OTOP1: variants seen among roughly 807,000 people sequenced by gnomAD.
The protein encoded by OTOP1 is proton channel OTOP1.
In OTOP1, 59 loss-of-function variants were observed where a neutral mutation model predicts 52.9. The observed-to-expected ratio is 1.12, with a 90% CI of 0.91 to 1.39. The LOEUF is 1.39. Among genes scored for constraint, OTOP1 ranks in the 40% most tolerant of loss-of-function variants. The pLI is 0.00. For synonymous variants in OTOP1, 317 were observed against 337.7 expected, an observed-to-expected ratio of 0.94 and a Z score of 0.67; for missense variants, 761 against 800.9, an observed-to-expected ratio of 0.95 and a Z score of 0.60.
chr4:4,213,738 C>T (rs951188887), intron 1 of OTOP1, among the ~76,000 whole-genome samples: 6 of 152,098 alleles, frequency 3.9e-5, no homozygotes, highest in African/African-American at 1.2e-4. Flanking sequence ...GTCGCTTCCA[C>T]CTTTTGGATA....
Position 4,226,847 on chromosome 4 carries a change from C to T in OTOP1, c.18G>A (p.Gly6=). 7.5e-7 allele frequency: 1 copy of T among 1,338,814 alleles called. No individual in the cohort carries two copies. The highest frequency in any genetic ancestry group is 9.5e-7 in the Non-Finnish European group (1 of 1,050,156). 82.9% of individuals were successfully genotyped at this position (1,338,814 alleles called of 1,614,324 possible). The change falls in exon 1 of 6, where the codon GGG becomes GGA. Residue 6 remains glycine (G), a synonymous_variant. Transcript: ENST00000296358. MLEGL[G]SPASPRAAAS... is the part of the protein sequence containing the mutation. ...CAGCTGCCCGGGGCGAGGCGGGCGA[C>T]CCCAGGCCCTCGAGCATCTTCGAGA...
intron 5 of OTOP1, among the ~76,000 whole-genome samples, chr4:4,189,182 A>C (rs113623237): frequency 6.6e-6 from 1 of 152,080 alleles, no homozygotes; most frequent in African/African-American, 2.4e-5. Context: ...CACTTCCTCA[A>C]CCACCCTTCC....
intron 1 of OTOP1, among the ~76,000 whole-genome samples, chr4:4,220,845 GA>G (rs1717284726): frequency 6.6e-6 from 1 of 151,998 alleles, no homozygotes; most frequent in Admixed American, 6.6e-5. Context: ...CTAGAATCTT[GA>G]ACCCCCCTCT....
At chr4:4,202,660 A>G (rs1716815778) in intron 3 of OTOP1, 82 bp from the exon 4 acceptor site, 34 of 1,529,756 alleles carry the variant, frequency 2.2e-5, no homozygotes, top group Non-Finnish European at 3.0e-5. Flanking sequence ...TGTGCACACA[A>G]ATACATGGCT....
intron 1 of OTOP1, among the ~76,000 whole-genome samples, chr4:4,225,994 C>G (rs2108808634): frequency 6.6e-6 from 1 of 152,264 alleles, no homozygotes; most frequent in South Asian, 2.1e-4. Flanking sequence ...AGGAGAGAAC[C>G]GAAGGTGCCG....
At chr4:4,201,309 C>T in intron 4 of OTOP1, among the ~76,000 whole-genome samples, 1 of 151,978 alleles carries the variant, frequency 6.6e-6, no homozygotes, top group Non-Finnish European at 1.5e-5. Flanking sequence ...CACCTGTAGT[C>T]CCAGCTACTC....
In OTOP1 at chr4:4,226,668, C is replaced by G. The variant is rs1289052969; in HGVS notation, c.197G>C (p.Gly66Ala). ...CAGCCCCGCCACGAACACGATCAGC[C>G]CATACTGGCTGCTCAGCATCTCGGC... ...KLAEMLSSQY[G>A]LIVFVAGLLL... The change falls in exon 1 of 6, where the codon GGG becomes GCG. Residue 66 changes from glycine (G) to alanine (A), a missense_variant. By Grantham distance (60) the Gly-to-Ala change is moderately conservative. Transcript: ENST00000296358. The G allele has an allele frequency of 6.4e-7, 1 of 1,559,664 alleles. No individual in the cohort carries two copies. Among genetic ancestry groups the G allele is most frequent in the East Asian group, 2.5e-5 (1 of 39,740 alleles).
chr4:4,206,419 G>A (rs971979929), intron 2 of OTOP1, among the ~76,000 whole-genome samples: 9 of 152,186 alleles, frequency 5.9e-5, no homozygotes, highest in Non-Finnish European at 1.2e-4. Context: ...GTCTGCTGTG[G>A]GACAGGGTAT....
Position 4,197,361 on chromosome 4 carries a change from C to T in OTOP1, c.1473G>A (p.Gln491=), listed in dbSNP as rs762335204. The change falls in exon 5 of 6, where the codon CAG becomes CAA. Residue 491 remains glutamine (Q), a synonymous_variant. Transcript: ENST00000296358. ...TGGCTGCTGGTGGCATGTCCTTGCC[C>T]TGGGGAGCCACATCTCTGGCCACAC... ...SGGVARDVAP[Q]GKDMPPAANG... is the part of the protein sequence containing the mutation. 7.4e-6 allele frequency: 12 copies of T among 1,613,942 alleles called. No homozygotes were observed. Among genetic ancestry groups the T allele is most frequent in the Non-Finnish European group, 8.5e-7 (1 of 1,180,012 alleles).
chr4:4,194,354 T>C (rs1184148854), intron 5 of OTOP1, among the ~76,000 whole-genome samples: 1 of 152,232 alleles, frequency 6.6e-6, no homozygotes, highest in African/African-American at 2.4e-5. Flanking sequence ...TTTCAATTCT[T>C]GGTTCACTGC....
At position 4,205,416 on chromosome 4, in the gene OTOP1, G is replaced by C. The variant is rs577287936; in HGVS notation, c.599+656C>G. Among the ~76,000 whole-genome samples the C allele has an allele frequency of 2.0e-5, 3 of 152,284 alleles. No individual in the cohort carries two copies. The South Asian group carries it at 6.2e-4, about 32-fold the overall frequency. On this transcript the variant is annotated intron_variant, in intron 3 of 5. Transcript: ENST00000296358. ...GCGATTCACAAAAACAAAAGATCTT[G>C]CTACCTCCCCTTCCTTTCCTGCATA...
intron 1 of OTOP1, among the ~76,000 whole-genome samples, chr4:4,214,489 G>C (rs922595208): frequency 2.0e-5 from 3 of 151,994 alleles, no homozygotes; most frequent in African/African-American, 7.2e-5. Flanking sequence ...GACCCTAGGG[G>C]ATATCTGTAT....
chr4:4,197,646 G>A lies in OTOP1; in HGVS notation c.1188C>T (p.Gly396=), dbSNP rs1301158974. 2 of 1,613,810 alleles carry A rather than the reference G, an allele frequency of 1.2e-6. No individual in the cohort carries two copies. Among genetic ancestry groups the A allele is most frequent in the Non-Finnish European group, 1.7e-6 (2 of 1,180,000 alleles). Residue 396 remains glycine (G), a synonymous_variant, in exon 5 of 6, where the codon GGC becomes GGT. Transcript: ENST00000296358. ...ARKLDSDLLV[G]TASGSWLISW... ...AGATAAGCCAGGAGCCCGAGGCAGT[G>A]CCCACCAAGAGGTCCGAGTCCAGTT...
intron 1 of OTOP1, among the ~76,000 whole-genome samples, chr4:4,219,610 T>C (rs1717231268): frequency 1.3e-5 from 2 of 149,142 alleles, no homozygotes; most frequent in Admixed American, 1.3e-4. Flanking sequence ...AGCAGGAAAA[T>C]GGCGTGAATC....
intron 4 of OTOP1, 71 bp downstream of exon 4, chr4:4,202,377 T>C: frequency 6.3e-7 from 1 of 1,599,162 alleles, no homozygotes; most frequent in Non-Finnish European, 8.5e-7. Flanking sequence ...ATCTCTGAAC[T>C]CTGTGGACTC....
At chr4:4,202,307 G>C in intron 4 of OTOP1, 141 bp downstream of exon 4, 1 of 1,137,646 alleles carries the variant, frequency 8.8e-7, no homozygotes, top group Non-Finnish European at 1.3e-6. Flanking sequence ...TTCAACAACA[G>C]CGGGCTGTCT....
rs1716805521 is a variant in OTOP1 at position 4,202,324 on chromosome 4, T to C, written c.730+124A>G. The C allele has an allele frequency of 6.7e-6, 9 of 1,349,880 alleles. No individual in the cohort carries two copies. The South Asian group carries it at 8.6e-5, about 13-fold the overall frequency. 83.6% of individuals were successfully genotyped at this position (1,349,880 alleles called of 1,614,324 possible). A position where few individuals can be genotyped will look rare whatever the true frequency, so the allele number is the denominator to read the frequency against. ...CAACAACAGCGGGCTGTCTGGCTGATGCTGAGTTGGGTGGCCCTGCAGTTC... is the reference window on the plus strand; with the variant it reads ...CAACAACAGCGGGCTGTCTGGCTGACGCTGAGTTGGGTGGCCCTGCAGTTC... On this transcript the variant is annotated intron_variant, in intron 4 of 5. Transcript: ENST00000296358.
At chr4:4,213,142 A>G in intron 1 of OTOP1, 138 bp from the exon 2 acceptor site, 1 of 1,111,160 alleles carries the variant, frequency 9.0e-7, no homozygotes. Context: ...TGCCGAGACC[A>G]TTCAATGGGA....
intron 1 of OTOP1, among the ~76,000 whole-genome samples, chr4:4,219,756 AAAAC>A (rs945300979): frequency 6.7e-6 from 1 of 150,052 alleles, no homozygotes; most frequent in African/African-American, 2.5e-5. Context: ...GTGCCCAAAT[AAAAC>A]AGTTTTTGCT....
Sources: gnomAD v4.1 joint callset for allele counts (sites outside exome capture counted in the v4.1 genomes callset) on GRCh38, gnomAD v4.1.1 for gene constraint, MANE v1.5 for transcripts, NCBI Gene and HGNC (gene_info 2026-07-23, HGNC 2026-07-21) for gene names.